PLCB1: variants seen among roughly 807,000 people sequenced by gnomAD.
PLCB1 encodes the protein 1-phosphatidylinositol 4,5-bisphosphate phosphodiesterase beta-1.
A neutral mutation model predicts 161.8 loss-of-function variants in PLCB1; 46 were observed. That is an observed-to-expected ratio of 0.28 (90% CI 0.22 to 0.36). The LOEUF is 0.36. PLCB1 is among the 10% of genes least tolerant of loss of function. The pLI is 1.00. For synonymous variants in PLCB1, 517 were observed against 503.7 expected (o/e 1.03, Z -0.35); for missense variants, 1,016 against 1,472.5 (o/e 0.69, Z 5.07).
At chr20:8,669,388 C>A (rs1024214213) in intron 9 of PLCB1, among the ~76,000 whole-genome samples, 1 of 152,232 alleles carries the variant, frequency 6.6e-6, no homozygotes. Context: ...ATTATTATTC[C>A]CATTTTACAA....
At chr20:8,744,115 A>G (rs1981022745) in intron 23 of PLCB1, among the ~76,000 whole-genome samples, 1 of 152,140 alleles carries the variant, frequency 6.6e-6, no homozygotes, top group Non-Finnish European at 1.5e-5. Context: ...CCAAACCCCT[A>G]TGACACACCT....
chr20:8,319,749 G>T (rs934446473), intron 2 of PLCB1, among the ~76,000 whole-genome samples: 2 of 149,598 alleles, frequency 1.3e-5, no homozygotes, highest in Non-Finnish European at 3.0e-5. Flanking sequence ...CATTACTCTA[G>T]TGAAATAAAG....
chr20:8,646,210 G>A (rs190284796), intron 5 of PLCB1, 29 bp downstream of exon 5: 4 of 1,442,236 alleles, frequency 2.8e-6, no homozygotes, highest in South Asian at 1.1e-5. Flanking sequence ...ATTGCTAAGG[G>A]CGTTGCTTCT....
At chr20:8,377,798 G>T (rs577939416) in intron 3 of PLCB1, among the ~76,000 whole-genome samples, 15 of 152,100 alleles carry the variant, frequency 9.9e-5, no homozygotes, top group Non-Finnish European at 1.9e-4. Flanking sequence ...TCCAGAATTT[G>T]GTTCTGGATA....
intron 3 of PLCB1, among the ~76,000 whole-genome samples, chr20:8,379,110 C>A (rs564154258): frequency 1.1e-4 from 16 of 151,990 alleles, no homozygotes; most frequent in Admixed American, 4.6e-4. Flanking sequence ...ACCTCCCCCA[C>A]CCCCCAACAG....
chr20:8,362,111 C>T lies in PLCB1; in HGVS notation c.178-9271C>T, dbSNP rs1467060488. Among the ~76,000 whole-genome samples the T allele has an allele frequency of 6.6e-5, 10 of 152,152 alleles. No homozygotes were observed. The East Asian group carries it at 1.9e-3, about 29-fold the overall frequency. ...AATACATGCAACATCATTCATTCTTCATCCATAAAGATGTGGAGAATTCCT... is the reference window on the plus strand; with the variant it reads ...AATACATGCAACATCATTCATTCTTTATCCATAAAGATGTGGAGAATTCCT... On this transcript the variant is annotated intron_variant, in intron 2 of 31. Transcript: ENST00000338037.
intron 9 of PLCB1, among the ~76,000 whole-genome samples, chr20:8,678,332 G>A (rs142333592): frequency 6.6e-6 from 1 of 152,274 alleles, no homozygotes; most frequent in East Asian, 1.9e-4. Context: ...ATGTGCTACA[G>A]GAGTAGAGAT....
At chr20:8,273,567 G>C (rs536313061) in intron 2 of PLCB1, among the ~76,000 whole-genome samples, 1 of 152,094 alleles carries the variant, frequency 6.6e-6, no homozygotes, top group South Asian at 2.1e-4. Flanking sequence ...CATCCAGCCC[G>C]AGAAATTTCA....
intron 31 of PLCB1, among the ~76,000 whole-genome samples, chr20:8,819,544 CA>C (rs1344112994): frequency 6.6e-6 from 1 of 152,060 alleles, no homozygotes; most frequent in African/African-American, 2.4e-5. Flanking sequence ...TTCTGTTCAT[CA>C]AAAGACACTT....
At chr20:8,424,281 G>C (rs1222320377) in intron 3 of PLCB1, among the ~76,000 whole-genome samples, 1 of 152,182 alleles carries the variant, frequency 6.6e-6, no homozygotes, top group African/African-American at 2.4e-5. Context: ...ATTCATGTTT[G>C]AGTCATAGGA....
intron 9 of PLCB1, among the ~76,000 whole-genome samples, chr20:8,660,784 TTATC>T (rs1989600750): frequency 6.6e-6 from 1 of 152,140 alleles, no homozygotes; most frequent in Non-Finnish European, 1.5e-5. Flanking sequence ...AAAGGCAACT[TTATC>T]TGTTTTTCTA....
chr20:8,289,753 G>A (rs1311765182), intron 2 of PLCB1, among the ~76,000 whole-genome samples: 2 of 152,096 alleles, frequency 1.3e-5, no homozygotes, highest in South Asian at 4.1e-4. Context: ...CAGGACACTC[G>A]GAATCTTGAA....
intron 12 of PLCB1, among the ~76,000 whole-genome samples, chr20:8,710,757 G>A (rs368595379): frequency 2.6e-5 from 4 of 151,908 alleles, no homozygotes; most frequent in African/African-American, 4.8e-5. Flanking sequence ...CAGGTGATCC[G>A]CCCACCTCGG....
At chr20:8,577,164 C>T (rs1207353771) in intron 3 of PLCB1, among the ~76,000 whole-genome samples, 2 of 151,910 alleles carry the variant, frequency 1.3e-5, no homozygotes, top group Non-Finnish European at 2.9e-5. Flanking sequence ...ATGCGGTGGC[C>T]CAAGCCTGTA....
At chr20:8,352,031 C>T (rs1018771346) in intron 2 of PLCB1, among the ~76,000 whole-genome samples, 2 of 152,054 alleles carry the variant, frequency 1.3e-5, no homozygotes, top group Admixed American at 1.3e-4. Context: ...CCACAAAAAC[C>T]TGCATGCAAA....
rs528504610 is a variant in PLCB1 at position 8,884,506 on chromosome 20, G to A, written c.*2657G>A. 1 of 152,306 alleles carries A rather than the reference G, an allele frequency of 6.6e-6. No homozygotes were observed. The highest frequency in any genetic ancestry group is 2.1e-4 in the South Asian group (1 of 4,810). The allele number at this position is 152,306 out of a possible 1,614,324, so 9.4% of individuals were successfully genotyped here. A position where few individuals can be genotyped will look rare whatever the true frequency, so the allele number is the denominator to read the frequency against. ...TCTAATGACATAGCCATGTGTTTTT[G>A]GTTTTTTATATTTCATTTTAAAATT... On this transcript the variant is annotated 3_prime_UTR_variant, in exon 32 of 32. Transcript: ENST00000338037.
chr20:8,463,755 C>T (rs1289838083), intron 3 of PLCB1, among the ~76,000 whole-genome samples: 4 of 152,168 alleles, frequency 2.6e-5, no homozygotes, highest in Non-Finnish European at 1.5e-5. Context: ...TTATGATTCT[C>T]TTGAATGATA....
At chr20:8,658,828 G>C in intron 9 of PLCB1, 124 bp downstream of exon 9, 1 of 739,796 alleles carries the variant, frequency 1.4e-6, no homozygotes, top group Admixed American at 2.9e-5. Flanking sequence ...CATTCCTTTC[G>C]GTCTGAAATC....
Position 8,757,130 on chromosome 20 carries a change from C to A in PLCB1, c.2608C>A (p.Leu870Met). Reference protein sequence around the residue: ...AENGVNHTTTLTPKPPSQALH... With the variant: ...AENGVNHTTTMTPKPPSQALH... ...AAATGGGGTGAATCACACTACAACCCTGACACCCAAGCCACCCTCCCAGGC... is the reference window on the plus strand; with the variant it reads ...AAATGGGGTGAATCACACTACAACCATGACACCCAAGCCACCCTCCCAGGC... The change falls in exon 24 of 32, where the codon CTG becomes ATG. Residue 870 changes from leucine (L) to methionine (M), a missense_variant. Coordinates refer to ENST00000338037, the MANE Select transcript of PLCB1 (RefSeq NM_015192.4). 1.2e-6 allele frequency: 2 copies of A among 1,613,428 alleles called. No individual in the cohort carries two copies. Among genetic ancestry groups the A allele is most frequent in the Non-Finnish European group, 1.7e-6 (2 of 1,179,532 alleles).
Sources: allele counts gnomAD v4.1 joint callset (sites outside exome capture counted in the v4.1 genomes callset), GRCh38; gene constraint gnomAD v4.1.1; transcripts MANE v1.5; gene names NCBI Gene and HGNC (gene_info 2026-07-23, HGNC 2026-07-21).